The following SV2B variants were observed in gnomAD, a reference collection of about 807,000 sequenced individuals.
SV2B encodes the protein synaptic vesicle glycoprotein 2B.
A neutral mutation model predicts 73.9 loss-of-function variants in SV2B; 41 were observed. The observed-to-expected ratio is 0.56, with a 90% CI of 0.43 to 0.72. The LOEUF is 0.72. Ranked by LOEUF, SV2B falls within the 30% of genes least tolerant of loss-of-function variation. The pLI, the probability that SV2B is intolerant of heterozygous loss-of-function variation, is 0.00. For synonymous variants in SV2B, 314 were observed against 314.2 expected (o/e 1.00, Z 0.01); for missense variants, 764 against 857.8 (o/e 0.89, Z 1.37).
chr15:91,103,683 C>T (rs1245443766), intron 1 of SV2B, among the ~76,000 whole-genome samples: 1 of 152,166 alleles, frequency 6.6e-6, no homozygotes, highest in Non-Finnish European at 1.5e-5. Flanking sequence ...CAGTGTGTTC[C>T]ATGGCCAGAA....
chr15:91,119,683 A>G (rs2042273894), intron 1 of SV2B, among the ~76,000 whole-genome samples: 1 of 152,250 alleles, frequency 6.6e-6, no homozygotes, highest in East Asian at 1.9e-4. Context: ...TGCATTGTAG[A>G]AAGCTTGTTC....
At chr15:91,103,130 CTG>C (rs1183596201) in intron 1 of SV2B, among the ~76,000 whole-genome samples, 1 of 152,172 alleles carries the variant, frequency 6.6e-6, no homozygotes, top group African/African-American at 2.4e-5. Flanking sequence ...ATCCTAAACT[CTG>C]TGTTTAGAAG....
intron 2 of SV2B, among the ~76,000 whole-genome samples, chr15:91,237,406 C>T (rs925841226): frequency 2.0e-5 from 3 of 152,196 alleles, no homozygotes; most frequent in African/African-American, 7.2e-5. Flanking sequence ...CTAAATGTCC[C>T]CTGGGGGGAA....
chr15:91,160,111 T>C (rs919655660), intron 1 of SV2B, among the ~76,000 whole-genome samples: 1 of 152,152 alleles, frequency 6.6e-6, no homozygotes, highest in African/African-American at 2.4e-5. Context: ...GGATGGAAGA[T>C]TAACATCATA....
At position 91,137,780 on chromosome 15, in the gene SV2B, G is replaced by A. The variant is rs1463968342; in HGVS notation, c.-392+37417G>A. Among the ~76,000 whole-genome samples the A allele has an allele frequency of 6.6e-6, 1 of 151,642 alleles. No individual in the cohort carries two copies. Among genetic ancestry groups the A allele is most frequent in the Non-Finnish European group, 1.5e-5 (1 of 67,940 alleles). On this transcript the variant is annotated intron_variant, in intron 1 of 12. Coordinates refer to ENST00000394232, the MANE Select transcript of SV2B (RefSeq NM_001323032.3). This position sits in a 1 kb window ranked among gnomAD's most constrained non-coding sequence, Gnocchi z 4.9. Reference sequence around the variant, plus strand: ...ATGTTTAACCTGTAGGTTTATAATGGTGCTCAGAATAGAACACCTCACTGG... The same window carrying A: ...ATGTTTAACCTGTAGGTTTATAATGATGCTCAGAATAGAACACCTCACTGG...
At chr15:91,126,973 C>T (rs181121827) in intron 1 of SV2B, among the ~76,000 whole-genome samples, 63 of 152,330 alleles carry the variant, frequency 4.1e-4, no homozygotes, top group African/African-American at 1.4e-3. Flanking sequence ...CTCACCACTT[C>T]AACATTATAG....
At chr15:91,198,686 G>A (rs191006300) in intron 1 of SV2B, among the ~76,000 whole-genome samples, 4 of 152,370 alleles carry the variant, frequency 2.6e-5, no homozygotes, top group African/African-American at 9.6e-5. Context: ...AGGGGAATGG[G>A]AGGGGTAACC....
intron 2 of SV2B, 89 bp downstream of exon 2, chr15:91,226,803 A>G (rs762730095): frequency 9.7e-6 from 14 of 1,442,864 alleles, no homozygotes; most frequent in African/African-American, 2.9e-5. Flanking sequence ...CACTTTAAAT[A>G]TATCACAATG....
At chr15:91,151,973 C>T (rs2141219846) in intron 1 of SV2B, among the ~76,000 whole-genome samples, 1 of 152,092 alleles carries the variant, frequency 6.6e-6, no homozygotes, top group Non-Finnish European at 1.5e-5. Flanking sequence ...ATATCATTTC[C>T]TGGTATACTT....
intron 10 of SV2B, among the ~76,000 whole-genome samples, chr15:91,282,066 C>T (rs577822160): frequency 3.9e-5 from 6 of 152,364 alleles, no homozygotes; most frequent in South Asian, 4.1e-4. Context: ...AATGTATCTG[C>T]GTCTCAGTTT....
At chr15:91,192,074 CAT>C (rs2045057583) in intron 1 of SV2B, among the ~76,000 whole-genome samples, 1 of 152,140 alleles carries the variant, frequency 6.6e-6, no homozygotes, top group African/African-American at 2.4e-5. Flanking sequence ...TGCCCACTAT[CAT>C]ATTAGTATTG....
intron 1 of SV2B, among the ~76,000 whole-genome samples, chr15:91,133,430 T>G (rs1164731913): frequency 1.3e-5 from 2 of 152,126 alleles, no homozygotes; most frequent in Non-Finnish European, 2.9e-5. Flanking sequence ...GGTTCTCTGC[T>G]CAAATGCACT....
At chr15:91,263,976 G>A (rs1028309659) in intron 6 of SV2B, among the ~76,000 whole-genome samples, 1 of 152,184 alleles carries the variant, frequency 6.6e-6, no homozygotes, top group Non-Finnish European at 1.5e-5. Flanking sequence ...CCCATGCCTC[G>A]AGCAGTTATT....
At chr15:91,149,321 C>T (rs193208935) in intron 1 of SV2B, among the ~76,000 whole-genome samples, 10 of 152,240 alleles carry the variant, frequency 6.6e-5, no homozygotes, top group African/African-American at 9.6e-5. Flanking sequence ...CTGATGGTAT[C>T]GGTGGCCCCA....
At position 91,226,428 on chromosome 15, in the gene SV2B, C is replaced by G. The variant is rs764493231; in HGVS notation, c.165C>G (p.His55Gln). The G allele has an allele frequency of 1.2e-6, 2 of 1,614,038 alleles. No homozygotes were observed. Among genetic ancestry groups the G allele is most frequent in the African/African-American group, 2.7e-5 (2 of 74,904 alleles). ...AGGGCGAGTACCAGGGTATCCCTCA[C>G]CCAGATGATGTCAAGGCCAAGCAGG... is the stretch of plus-strand genomic sequence containing the variant. Reference protein sequence around the residue: ...IYEGEYQGIPHPDDVKAKQAK... With the variant: ...IYEGEYQGIPQPDDVKAKQAK... Residue 55 changes from histidine to glutamine, a missense_variant, in exon 2 of 13, where the codon CAC becomes CAG. By Grantham distance (24) the His-to-Gln change is conservative (BLOSUM62 0). Transcript: ENST00000394232.
At position 91,222,537 on chromosome 15, in the gene SV2B, T is replaced by C. The variant is rs555019164; in HGVS notation, c.-391-3336T>C. On this transcript the variant is annotated intron_variant, in intron 1 of 12. Transcript: ENST00000394232. ...CCTTCAGCATCAAGATCCCAGGACA[T>C]GTTTGTTGAAGATGGGTGAGCAAAC... is the stretch of plus-strand genomic sequence containing the variant. Among the ~76,000 whole-genome samples the C allele has an allele frequency of 3.9e-5, 6 of 152,300 alleles. No homozygotes were observed. The South Asian group carries it at 6.2e-4, about 16-fold the overall frequency.
intron 1 of SV2B, among the ~76,000 whole-genome samples, chr15:91,189,014 A>G (rs905766786): frequency 2.0e-5 from 3 of 151,954 alleles, no homozygotes; most frequent in African/African-American, 7.3e-5. Flanking sequence ...TTTAGTAGAG[A>G]CAGGTTTTGC....
chr15:91,160,121 A>G (rs1363058220), intron 1 of SV2B, among the ~76,000 whole-genome samples: 1 of 152,194 alleles, frequency 6.6e-6, no homozygotes, highest in Non-Finnish European at 1.5e-5. Context: ...TTAACATCAT[A>G]AATATAAAAA....
chr15:91,187,375 T>A (rs893305712), intron 1 of SV2B, among the ~76,000 whole-genome samples: 1 of 152,232 alleles, frequency 6.6e-6, no homozygotes. Context: ...GATAATTTTT[T>A]ACGTGGCAGC....
Sources: gnomAD v4.1 joint callset for allele counts (sites outside exome capture counted in the v4.1 genomes callset) on GRCh38, gnomAD v4.1.1 for gene constraint, Gnocchi (gnomAD v3.1) non-coding constraint, MANE v1.5 for transcripts, NCBI Gene and HGNC (gene_info 2026-07-23, HGNC 2026-07-21) for gene names.